SLC27A2: variants seen among roughly 807,000 people sequenced by gnomAD.
SLC27A2 encodes solute carrier family 27 member 2.
Under a neutral mutation model 60.0 loss-of-function variants are expected in SLC27A2, and 54 were observed. The ratio of observed to expected loss-of-function variants is 0.90; its 90% CI spans 0.72 to 1.13. The LOEUF (loss-of-function observed/expected upper bound fraction) is 1.13, where lower values mean the gene tolerates loss of function less well. Ranked by LOEUF, SLC27A2 falls within the 50% of genes most tolerant of loss-of-function variation. The probability of loss-of-function intolerance (pLI) is 0.00; values close to 1 mark genes in which losing one functional copy is unlikely to be tolerated. For synonymous variants in SLC27A2, 297 were observed against 297.6 expected (o/e 1.00, Z 0.02); for missense variants, 739 against 777.6 (o/e 0.95, Z 0.59).
At chr15:50,201,821 T>G (rs894115114) in intron 2 of SLC27A2, among the ~76,000 whole-genome samples, 2 of 152,088 alleles carry the variant, frequency 1.3e-5, no homozygotes, top group Admixed American at 6.6e-5. Context: ...TCCCAAAGTG[T>G]TAGGATTACA....
chr15:50,202,900 C>T (rs1016293457), intron 3 of SLC27A2, among the ~76,000 whole-genome samples: 3 of 151,944 alleles, frequency 2.0e-5, no homozygotes, highest in African/African-American at 7.2e-5. Context: ...TATTTTAGGG[C>T]TGGGTGCAAT....
chr15:50,205,302 A>G lies in SLC27A2; in HGVS notation c.911A>G (p.Tyr304Cys), dbSNP rs1478611570. 6.2e-7 allele frequency: 1 copy of G among 1,611,292 alleles called. No homozygotes were observed. Among genetic ancestry groups the G allele is most frequent in the Admixed American group, 1.7e-5 (1 of 59,814 alleles). The change falls in exon 4 of 10, where the codon TAC becomes TGC. Residue 304 changes from tyrosine (Y) to cysteine (C), a missense_variant. Tyr to Cys is a radical substitution (Grantham distance 194, BLOSUM62 -2). Coordinates refer to ENST00000267842, the MANE Select transcript of SLC27A2 (RefSeq NM_003645.4). Reference protein sequence around the residue: ...ASQFWDDCRKYNVTVIQYIGE... With the variant: ...ASQFWDDCRKCNVTVIQYIGE... Reference sequence around the variant, plus strand: ...CAGTTTTGGGATGACTGCAGAAAATACAACGTCACTGTCATTCAGTATATC... The same window carrying G: ...CAGTTTTGGGATGACTGCAGAAAATGCAACGTCACTGTCATTCAGTATATC...
intron 2 of SLC27A2, among the ~76,000 whole-genome samples, chr15:50,201,372 C>T (rs750779050): frequency 3.9e-5 from 6 of 152,142 alleles, no homozygotes; most frequent in Non-Finnish European, 8.8e-5. Flanking sequence ...TTCTTCACTG[C>T]AGCATCATTT....
intron 3 of SLC27A2, among the ~76,000 whole-genome samples, chr15:50,204,540 T>C (rs572199851): frequency 1.3e-5 from 2 of 152,050 alleles, no homozygotes; most frequent in South Asian, 4.2e-4. Context: ...GAGACCATCC[T>C]GGCTAACACA....
intron 1 of SLC27A2, among the ~76,000 whole-genome samples, chr15:50,184,115 C>T (rs1348379783): frequency 6.6e-6 from 1 of 151,034 alleles, no homozygotes; most frequent in Non-Finnish European, 1.5e-5. Flanking sequence ...CTCAGCCTCT[C>T]AAGTAGCTGG....
chr15:50,183,685 C>T (rs1320774981), intron 1 of SLC27A2, among the ~76,000 whole-genome samples: 1 of 152,140 alleles, frequency 6.6e-6, no homozygotes, highest in African/African-American at 2.4e-5. Flanking sequence ...GATGGCTTTC[C>T]CCTCCCAGAG....
chr15:50,229,734 G>C (rs1391864747), intron 8 of SLC27A2, among the ~76,000 whole-genome samples: 1 of 152,054 alleles, frequency 6.6e-6, no homozygotes, highest in Non-Finnish European at 1.5e-5. Flanking sequence ...TATATATAAG[G>C]GTTGTTGTGA....
chr15:50,202,769 T>C, intron 3 of SLC27A2, 124 bp downstream of exon 3: 1 of 897,170 alleles, frequency 1.1e-6, no homozygotes, highest in Non-Finnish European at 1.7e-6. Flanking sequence ...GCATTAACAA[T>C]AAGGCAATTT....
chr15:50,189,037 A>AGATAGATAGATG (rs1287603618), intron 1 of SLC27A2, among the ~76,000 whole-genome samples: 1 of 143,210 alleles, frequency 7.0e-6, no homozygotes, highest in African/African-American at 2.6e-5. Context: ...ATGCATACAA[A>AGATAGATAGATG]CATACATACA....
chr15:50,183,994 C>CTTTTTTTTTTTTTT lies in SLC27A2; in HGVS notation c.478+1094_478+1107dup, dbSNP rs577766814. On this transcript the variant is annotated intron_variant, in intron 1 of 9. Coordinates refer to ENST00000267842, the MANE Select transcript of SLC27A2 (RefSeq NM_003645.4). ...TTCGAAGCCATGCTCTTTCCTACATCTTTTTTTTTTTTTTTTTTGACAGTC... is the reference window on the plus strand; with the variant it reads ...TTCGAAGCCATGCTCTTTCCTACATCTTTTTTTTTTTTTTTTTTTTTTTTTTTTTTTTGACAGTC... 1.0e-3 allele frequency among the ~76,000 whole-genome samples: 95 copies of CTTTTTTTTTTTTTT among 91,164 alleles called. 7 individuals are homozygous for CTTTTTTTTTTTTTT. The highest frequency in any genetic ancestry group is 1.3e-3 in the Non-Finnish European group (63 of 47,462). The allele number at this position is 91,164 out of a possible 152,430, so 59.8% of individuals were successfully genotyped here.
At chr15:50,211,513 C>G (rs1046424955) in intron 4 of SLC27A2, among the ~76,000 whole-genome samples, 2 of 152,156 alleles carry the variant, frequency 1.3e-5, no homozygotes, top group African/African-American at 2.4e-5. Context: ...TCTGACAGAG[C>G]CTACCCAAAT....
chr15:50,198,672 C>T (rs1351507848), intron 2 of SLC27A2, among the ~76,000 whole-genome samples: 1 of 152,134 alleles, frequency 6.6e-6, no homozygotes, highest in African/African-American at 2.4e-5. Context: ...GACAGGAAGC[C>T]AGCCCCAGCA....
chr15:50,216,534 A>G (rs1295651750), intron 4 of SLC27A2, among the ~76,000 whole-genome samples: 3 of 149,816 alleles, frequency 2.0e-5, no homozygotes, highest in Non-Finnish European at 4.4e-5. Flanking sequence ...ACAATTCACA[A>G]TTGCAAAATC....
chr15:50,182,388 A>G lies in SLC27A2; in HGVS notation c.-40A>G. On this transcript the variant is annotated 5_prime_UTR_variant, in exon 1 of 10. Transcript: ENST00000267842. ...TCGCCGCGCTGCACGCCCGGGGTGA[A>G]CCCTCTGCCCTCGCTGGGACAGAGG... 1 of 1,522,304 alleles carries G rather than the reference A, an allele frequency of 6.6e-7. No homozygotes were observed. 94.3% of individuals were successfully genotyped at this position (1,522,304 alleles called of 1,614,324 possible).
chr15:50,206,440 C>A (rs1025432678), intron 4 of SLC27A2, among the ~76,000 whole-genome samples: 1 of 152,182 alleles, frequency 6.6e-6, no homozygotes, highest in Non-Finnish European at 1.5e-5. Flanking sequence ...CTGTTGTACT[C>A]ACCTAACATA....
chr15:50,217,429 C>T (rs1033516715), intron 4 of SLC27A2, among the ~76,000 whole-genome samples: 18 of 152,074 alleles, frequency 1.2e-4, no homozygotes, highest in African/African-American at 4.1e-4. Context: ...AAAGTATCTA[C>T]GTACTAACCA....
chr15:50,188,594 G>T (rs1260748383), intron 1 of SLC27A2, among the ~76,000 whole-genome samples: 3 of 152,152 alleles, frequency 2.0e-5, no homozygotes, highest in Non-Finnish European at 4.4e-5. Flanking sequence ...TGTCTCAAAG[G>T]CTTAGAATTC....
chr15:50,230,235 CCAAAAA>C (rs1280648014), intron 8 of SLC27A2, among the ~76,000 whole-genome samples: 24 of 123,470 alleles, frequency 1.9e-4, no homozygotes, highest in Non-Finnish European at 1.4e-4. Context: ...CTCTGTCTCA[CCAAAAA>C]AAAAAAAAAA....
chr15:50,206,905 G>A (rs1055019255), intron 4 of SLC27A2, among the ~76,000 whole-genome samples: 1 of 152,186 alleles, frequency 6.6e-6, no homozygotes, highest in Non-Finnish European at 1.5e-5. Flanking sequence ...ATATTCAATA[G>A]ATTCTCGAGG....
Sources: gnomAD v4.1 joint callset for allele counts (sites outside exome capture counted in the v4.1 genomes callset) on GRCh38, gnomAD v4.1.1 for gene constraint, MANE v1.5 for transcripts, NCBI Gene and HGNC (gene_info 2026-07-23, HGNC 2026-07-21) for gene names.